The following VCPIP1 variants were observed in gnomAD, a reference collection of about 807,000 sequenced individuals.
The protein encoded by VCPIP1 is deubiquitinating protein VCPIP1.
A neutral mutation model predicts 85.0 loss-of-function variants in VCPIP1; 8 were observed. That is an observed-to-expected ratio of 0.09 (90% CI 0.06 to 0.17). The LOEUF (loss-of-function observed/expected upper bound fraction) is 0.17, where lower values mean the gene tolerates loss of function less well. VCPIP1 is among the 10% of genes least tolerant of loss of function. VCPIP1 has a pLI of 1.00. For missense variants in VCPIP1, 1,070 were observed against 1,486.3 expected, an observed-to-expected ratio of 0.72 and a Z score of 4.61; for synonymous variants, 543 against 544.5, an observed-to-expected ratio of 1.00 and a Z score of 0.04.
chr8:66,639,879 TAATA>T (rs1250231788), intron 2 of VCPIP1, among the ~76,000 whole-genome samples: 3 of 151,958 alleles, frequency 2.0e-5, no homozygotes, highest in Non-Finnish European at 4.4e-5. Flanking sequence ...ATGATGATAA[TAATA>T]AATGGGAGCT....
At chr8:66,660,505 G>A (rs1229426938) in intron 1 of VCPIP1, among the ~76,000 whole-genome samples, 5 of 152,192 alleles carry the variant, frequency 3.3e-5, no homozygotes, top group Non-Finnish European at 7.3e-5. Context: ...AAACGAGAAA[G>A]AACCAGCTAT....
In VCPIP1 at chr8:66,667,152, A is replaced by T; in HGVS notation, c.-194T>A. ...TCTCTTCTTACTTCTCCACTGCCGT[A>T]GCCGTTGCCCCGAACGTAACGGCCA... On this transcript the variant is annotated 5_prime_UTR_variant, in exon 1 of 3. Coordinates refer to ENST00000310421, the MANE Select transcript of VCPIP1 (RefSeq NM_025054.5). The T allele has an allele frequency of 7.9e-7, 1 of 1,271,968 alleles. No individual in the cohort carries two copies. The highest frequency in any genetic ancestry group is 1.9e-5 in the South Asian group (1 of 52,956). 78.8% of individuals were successfully genotyped at this position (1,271,968 alleles called of 1,614,324 possible). A position where few individuals can be genotyped will look rare whatever the true frequency, so the allele number is the denominator to read the frequency against.
At chr8:66,641,649 A>C (rs576452848) in intron 2 of VCPIP1, among the ~76,000 whole-genome samples, 2 of 151,954 alleles carry the variant, frequency 1.3e-5, no homozygotes, top group South Asian at 4.1e-4. Flanking sequence ...CCACAGATTC[A>C]CTCTCTGTTT....
At chr8:66,643,338 A>AG (rs1448297369) in intron 2 of VCPIP1, among the ~76,000 whole-genome samples, 1 of 149,208 alleles carries the variant, frequency 6.7e-6, no homozygotes, top group African/African-American at 2.5e-5. Flanking sequence ...GAAAAAAAAA[A>AG]GATGTTAAAA....
intron 2 of VCPIP1, among the ~76,000 whole-genome samples, chr8:66,637,271 G>C (rs912570016): frequency 1.3e-4 from 19 of 151,644 alleles, no homozygotes; most frequent in African/African-American, 4.6e-4. Flanking sequence ...GGATCACTGA[G>C]CTCTGGAGTT....
rs1810833072 is a variant in VCPIP1 at position 66,631,360 on chromosome 8, T to C, written c.*3141A>G. The C allele has an allele frequency of 6.5e-6, 1 of 153,930 alleles. No individual in the cohort carries two copies. The highest frequency in any genetic ancestry group is 6.5e-5 in the Admixed American group (1 of 15,272). 9.5% of individuals were successfully genotyped at this position (153,930 alleles called of 1,614,324 possible). A position where few individuals can be genotyped will look rare whatever the true frequency, so the allele number is the denominator to read the frequency against. On this transcript the variant is annotated 3_prime_UTR_variant, in exon 3 of 3. Coordinates refer to ENST00000310421, the MANE Select transcript of VCPIP1 (RefSeq NM_025054.5). ...TGAGGTCTACATATTTAGAGAGTTA[T>C]TCAGTAGCAGATAGTATTGGTAGGT... is the stretch of plus-strand genomic sequence containing the variant.
chr8:66,666,906 G>T lies in VCPIP1; in HGVS notation c.53C>A (p.Pro18His), dbSNP rs777679375. The T allele has an allele frequency of 4.4e-6, 7 of 1,595,320 alleles. No homozygotes were observed. Among genetic ancestry groups the T allele is most frequent in the Non-Finnish European group, 6.0e-6 (7 of 1,174,564 alleles). ...PPPLPPPPPP[P>H]EAPQTPSSLA... is the part of the protein sequence containing the mutation. The stretch of plus-strand genomic sequence containing the variant: ...GGACGACGGAGTCTGTGGAGCCTCA[G>T]GGGGAGGAGGTGGCGGCGGCAACGG... Residue 18 changes from proline to histidine, a missense_variant, in exon 1 of 3, where the codon CCT (proline) becomes CAT (histidine). This residue lies in a region of VCPIP1 where 164 missense variants were observed against 158.6 expected (regional missense o/e 1.03). Coordinates refer to ENST00000310421, the MANE Select transcript of VCPIP1 (RefSeq NM_025054.5). The surrounding 1 kb of genome is among the most constrained non-coding windows in gnomAD (Gnocchi z 6.3).
chr8:66,638,855 G>A lies in VCPIP1; in HGVS notation c.2798-3483C>T, dbSNP rs146942432. 8.2e-4 allele frequency among the ~76,000 whole-genome samples: 123 copies of A among 150,884 alleles called. 1 individual carries two copies. Among genetic ancestry groups the A allele is most frequent in the Non-Finnish European group, 1.5e-3 (103 of 67,832 alleles). On this transcript the variant is annotated intron_variant, in intron 2 of 2. Coordinates refer to ENST00000310421, the MANE Select transcript of VCPIP1 (RefSeq NM_025054.5). ...CCATTTTTATAAAGTTCAAACACAGGCAAAGTTGAGTATTATATAGTTAAA... is the reference window on the plus strand; with the variant it reads ...CCATTTTTATAAAGTTCAAACACAGACAAAGTTGAGTATTATATAGTTAAA...
At chr8:66,662,510 T>TA (rs1811167365) in intron 1 of VCPIP1, among the ~76,000 whole-genome samples, 1 of 152,102 alleles carries the variant, frequency 6.6e-6, no homozygotes, top group Admixed American at 6.5e-5. Flanking sequence ...TTAATTCAAT[T>TA]AAAAAACATT....
chr8:66,650,300 A>G (rs1375775627), intron 2 of VCPIP1, among the ~76,000 whole-genome samples: 1 of 152,210 alleles, frequency 6.6e-6, no homozygotes, highest in Non-Finnish European at 1.5e-5. Context: ...ATATGTTTGA[A>G]TATTTCTACA....
Position 66,649,098 on chromosome 8 carries a change from C to T in VCPIP1, c.2797+2360G>A, listed in dbSNP as rs184215329. 5.9e-5 allele frequency among the ~76,000 whole-genome samples: 9 copies of T among 151,944 alleles called. No individual in the cohort carries two copies. The South Asian group carries it at 6.2e-4, about 11-fold the overall frequency. On this transcript the variant is annotated intron_variant, in intron 2 of 2. Transcript: ENST00000310421. ...GGATCACTTGAGCCCAGAGGATTGA[C>T]GCTAGAGGCTGCAGTGAGTCACGAT...
At chr8:66,656,456 G>A (rs1478910458) in intron 1 of VCPIP1, among the ~76,000 whole-genome samples, 1 of 152,194 alleles carries the variant, frequency 6.6e-6, no homozygotes, top group African/African-American at 2.4e-5. Flanking sequence ...GCCTCCCAAA[G>A]TGCTGGGATT....
Position 66,635,379 on chromosome 8 carries a change from A to C in VCPIP1, c.2798-7T>G, listed in dbSNP as rs1048189018. 3 of 1,593,806 alleles carry C rather than the reference A, an allele frequency of 1.9e-6. No homozygotes were observed. The highest frequency in any genetic ancestry group is 2.7e-5 in the African/African-American group (2 of 74,040). On this transcript the variant is annotated splice_region_variant and splice_polypyrimidine_tract_variant and intron_variant, in intron 2 of 2. Transcript: ENST00000310421. ...TGCTTGCCATCAGCCATACCTAAAA[A>C]GGGGAAAAGATATTTAACATATTAA...
intron 2 of VCPIP1, among the ~76,000 whole-genome samples, chr8:66,637,624 C>G (rs1810901664): frequency 6.7e-6 from 1 of 150,146 alleles, no homozygotes; most frequent in Admixed American, 6.7e-5. Context: ...AATTTTAATT[C>G]AAATTTTAAG....
chr8:66,666,407 G>A lies in VCPIP1; in HGVS notation c.552C>T (p.Arg184=). 5 of 1,614,088 alleles carry A rather than the reference G, an allele frequency of 3.1e-6. No homozygotes were observed. In the South Asian group the frequency reaches 4.4e-5, roughly 14 times the overall value. The part of the protein sequence containing the change: ...HVNTVGYGKD[R]SGSLLYLHDT... ...CATGCAAATACAGGAGGCTTCCGGAGCGGTCCTTGCCATAGCCCACAGTGT... is the reference window on the plus strand; with the variant it reads ...CATGCAAATACAGGAGGCTTCCGGAACGGTCCTTGCCATAGCCCACAGTGT... Residue 184 remains arginine, a synonymous_variant, in exon 1 of 3, where the codon CGC becomes CGT. Coordinates refer to ENST00000310421, the MANE Select transcript of VCPIP1 (RefSeq NM_025054.5). The surrounding 1 kb of genome is among the most constrained non-coding windows in gnomAD (Gnocchi z 6.3).
Position 66,667,196 on chromosome 8 carries a change from A to ACACT in VCPIP1, c.-242_-239dup, listed in dbSNP as rs771355823. The ACACT allele has an allele frequency of 2.9e-5, 21 of 732,108 alleles. No individual in the cohort carries two copies. Among genetic ancestry groups the ACACT allele is most frequent in the Non-Finnish European group, 4.1e-5 (20 of 486,578 alleles). The allele number at this position is 732,108 out of a possible 1,614,324, so 45.4% of individuals were successfully genotyped here. A position where few individuals can be genotyped will look rare whatever the true frequency, so the allele number is the denominator to read the frequency against. ...ACGGCCACCACCCCACCCCGCACTC[A>ACACT]CACTCACTCACTCTCGCTCTCTCTC... is the stretch of plus-strand genomic sequence containing the variant. On this transcript the variant is annotated 5_prime_UTR_variant, in exon 1 of 3. Transcript: ENST00000310421.
intron 2 of VCPIP1, among the ~76,000 whole-genome samples, chr8:66,647,816 A>G (rs1020917668): frequency 6.6e-6 from 1 of 152,218 alleles, no homozygotes; most frequent in African/African-American, 2.4e-5. Context: ...ATATTAAAAA[A>G]TCAACTTGAA....
intron 2 of VCPIP1, among the ~76,000 whole-genome samples, chr8:66,646,612 A>G (rs1195414906): frequency 2.0e-5 from 3 of 152,150 alleles, no homozygotes; most frequent in African/African-American, 7.2e-5. Context: ...CCTGACCAAC[A>G]TAGTGAAACC....
At position 66,634,459 on chromosome 8, in the gene VCPIP1, T is replaced by C. The variant is rs1413494425; in HGVS notation, c.*42A>G. 6.5e-7 allele frequency: 1 copy of C among 1,527,126 alleles called. No individual in the cohort carries two copies. 94.6% of individuals were successfully genotyped at this position (1,527,126 alleles called of 1,614,324 possible). A position where few individuals can be genotyped will look rare whatever the true frequency, so the allele number is the denominator to read the frequency against. ...CGTGGCCCAGCCAACAAATATTACA[T>C]ATTCACAATAAACATTCTGCCTTTA... On this transcript the variant is annotated 3_prime_UTR_variant, in exon 3 of 3. Coordinates refer to ENST00000310421, the MANE Select transcript of VCPIP1 (RefSeq NM_025054.5).
Sources: gnomAD v4.1 joint callset for allele counts (sites outside exome capture counted in the v4.1 genomes callset) on GRCh38, gnomAD v4.1.1 for gene constraint, gnomAD v4.1.1 regional missense constraint, Gnocchi (gnomAD v3.1) non-coding constraint, MANE v1.5 for transcripts, NCBI Gene and HGNC (gene_info 2026-07-23, HGNC 2026-07-21) for gene names.